The following CSMD1 variants were observed in gnomAD, a reference collection of about 807,000 sequenced individuals.
The protein encoded by CSMD1 is CUB and sushi domain-containing protein 1.
A neutral mutation model predicts 417.5 loss-of-function variants in CSMD1; 213 were observed. That is an observed-to-expected ratio of 0.51 (90% CI 0.46 to 0.57). The LOEUF (loss-of-function observed/expected upper bound fraction) is 0.57. Among genes scored for constraint, CSMD1 ranks in the 20% least tolerant of loss-of-function variants. The pLI is 0.00. For synonymous variants in CSMD1, 2,862 were observed against 1,736.8 expected (o/e 1.65, Z -16.11); for missense variants, 6,923 against 4,529.7 (o/e 1.53, Z -15.17).
intron 18 of CSMD1, among the ~76,000 whole-genome samples, chr8:3,384,720 A>AAAT (rs1563333066): frequency 7.6e-5 from 9 of 118,286 alleles, no homozygotes; most frequent in Non-Finnish European, 1.1e-4. Flanking sequence ...ATATATTTAT[A>AAAT]ATATTTATAT....
intron 1 of CSMD1, among the ~76,000 whole-genome samples, chr8:4,726,168 T>C (rs1257980601): frequency 2.0e-5 from 3 of 152,136 alleles, no homozygotes; most frequent in Non-Finnish European, 4.4e-5. Context: ...ATACAAAACC[T>C]ACAGTTGGTT....
At chr8:2,954,115 G>C in intron 65 of CSMD1, 109 bp downstream of exon 65, 2 of 510,096 alleles carry the variant, frequency 3.9e-6, no homozygotes, top group Non-Finnish European at 6.8e-6. Flanking sequence ...TAACTTGGTC[G>C]TGGACTAACG....
chr8:4,163,969 G>A (rs1479806688), intron 3 of CSMD1, among the ~76,000 whole-genome samples: 1 of 152,136 alleles, frequency 6.6e-6, no homozygotes, highest in Non-Finnish European at 1.5e-5. Context: ...TAATTTTAGG[G>A]TGGTGATGTG....
At chr8:4,478,665 A>T (rs1412101980) in intron 2 of CSMD1, among the ~76,000 whole-genome samples, 2 of 152,220 alleles carry the variant, frequency 1.3e-5, no homozygotes, top group African/African-American at 4.8e-5. Flanking sequence ...TGTCAAGTTA[A>T]TTTTATATGG....
At chr8:4,174,018 G>T (rs1169170944) in intron 3 of CSMD1, among the ~76,000 whole-genome samples, 2 of 152,130 alleles carry the variant, frequency 1.3e-5, no homozygotes, top group Non-Finnish European at 1.5e-5. Context: ...CAATCACCAT[G>T]GCCAAGGGAA....
At chr8:4,683,119 T>C (rs1806150870) in intron 1 of CSMD1, among the ~76,000 whole-genome samples, 1 of 151,548 alleles carries the variant, frequency 6.6e-6, no homozygotes, top group Non-Finnish European at 1.5e-5. Flanking sequence ...ATTATTTACA[T>C]GTAACTTATG....
chr8:4,821,621 A>T (rs1038734772), intron 1 of CSMD1, among the ~76,000 whole-genome samples: 1 of 152,128 alleles, frequency 6.6e-6, no homozygotes, highest in Non-Finnish European at 1.5e-5. Context: ...TATTCAGAAA[A>T]ATAGGGAAGT....
At chr8:4,146,643 G>C (rs932259615) in intron 3 of CSMD1, among the ~76,000 whole-genome samples, 6 of 97,966 alleles carry the variant, frequency 6.1e-5, no homozygotes, top group African/African-American at 1.7e-4. Context: ...ACAGAGTCTC[G>C]ATCCGTCCCC....
At chr8:3,297,243 G>C (rs1283191397) in intron 25 of CSMD1, among the ~76,000 whole-genome samples, 1 of 152,132 alleles carries the variant, frequency 6.6e-6, no homozygotes, top group Non-Finnish European at 1.5e-5. Context: ...AAAGATGTCA[G>C]TTTTCCCCAG....
chr8:4,886,916 T>C (rs958287651), intron 1 of CSMD1, among the ~76,000 whole-genome samples: 2 of 152,098 alleles, frequency 1.3e-5, no homozygotes, highest in African/African-American at 4.8e-5. Context: ...ATTTAGTCGA[T>C]GTTACATAAC....
chr8:4,046,467 C>G (rs1476137882), intron 3 of CSMD1, among the ~76,000 whole-genome samples: 1 of 152,188 alleles, frequency 6.6e-6, no homozygotes, highest in Admixed American at 6.5e-5. Flanking sequence ...GCTCAAGCTT[C>G]ATGAAAAGAG....
At chr8:3,401,438 C>G (rs1315090931) in intron 15 of CSMD1, among the ~76,000 whole-genome samples, 1 of 152,214 alleles carries the variant, frequency 6.6e-6, no homozygotes, top group East Asian at 1.9e-4. Context: ...ACCTGAATTG[C>G]TTTATCCTGA....
intron 2 of CSMD1, among the ~76,000 whole-genome samples, chr8:4,568,782 G>A (rs1798742325): frequency 6.6e-6 from 1 of 152,108 alleles, no homozygotes; most frequent in Non-Finnish European, 1.5e-5. Context: ...TCCAGCATCT[G>A]TTATTTCCTG....
At chr8:4,934,162 C>T (rs557097118) in intron 1 of CSMD1, among the ~76,000 whole-genome samples, 1 of 152,096 alleles carries the variant, frequency 6.6e-6, no homozygotes, top group African/African-American at 2.4e-5. Context: ...GAGAAGAGGC[C>T]AGGCTAACAA....
chr8:4,015,507 C>G (rs1183219696), intron 4 of CSMD1, among the ~76,000 whole-genome samples: 3 of 152,066 alleles, frequency 2.0e-5, no homozygotes, highest in Admixed American at 1.3e-4. Context: ...TCAGATAGGT[C>G]TAAAAGCAAC....
At chr8:4,583,272 G>A (rs148993900) in intron 2 of CSMD1, among the ~76,000 whole-genome samples, 8 of 152,348 alleles carry the variant, frequency 5.3e-5, no homozygotes, top group Admixed American at 1.3e-4. Flanking sequence ...GGGACCCACC[G>A]AGTGAAGCCA....
At chr8:4,852,444 A>G (rs970991702) in intron 1 of CSMD1, among the ~76,000 whole-genome samples, 19 of 152,036 alleles carry the variant, frequency 1.2e-4, no homozygotes, top group African/African-American at 4.6e-4. Context: ...TTCACTTCCA[A>G]CATGATTGAA....
intron 25 of CSMD1, among the ~76,000 whole-genome samples, chr8:3,302,259 G>A (rs1268618403): frequency 6.6e-6 from 1 of 152,138 alleles, no homozygotes; most frequent in Non-Finnish European, 1.5e-5. Context: ...GTGCTTTTCA[G>A]ATCCTGAAAT....
chr8:3,025,611 C>T (rs1357872827), intron 51 of CSMD1, among the ~76,000 whole-genome samples: 1 of 152,208 alleles, frequency 6.6e-6, no homozygotes, highest in Non-Finnish European at 1.5e-5. Flanking sequence ...GACTACACTA[C>T]CAACCATCAA....
Sources: gnomAD v4.1 joint callset for allele counts (sites outside exome capture counted in the v4.1 genomes callset) on GRCh38, gnomAD v4.1.1 for gene constraint, MANE v1.5 for transcripts, NCBI Gene and HGNC (gene_info 2026-07-23, HGNC 2026-07-21) for gene names.